KLHL1: variants seen among roughly 807,000 people sequenced by gnomAD.
The protein encoded by KLHL1 is kelch like family member 1.
In KLHL1, 47 loss-of-function variants were observed where a neutral mutation model predicts 77.7. The ratio of observed to expected loss-of-function variants is 0.60; its 90% confidence interval spans 0.48 to 0.77. KLHL1 has a LOEUF of 0.77. Among genes scored for constraint, KLHL1 ranks in the 30% least tolerant of loss-of-function variants. KLHL1 has a pLI of 0.00. For missense variants in KLHL1, 925 were observed against 910.8 expected (o/e 1.02, Z -0.20); for synonymous variants, 360 against 325.2 (o/e 1.11, Z -1.15).
At chr13:69,719,867 G>A (rs1388978540) in intron 8 of KLHL1, among the ~76,000 whole-genome samples, 1 of 151,246 alleles carries the variant, frequency 6.6e-6, no homozygotes, top group Non-Finnish European at 1.5e-5. Flanking sequence ...GCAAAAATAA[G>A]TAATATTAGT....
At chr13:69,954,549 T>C (rs1342128607) in intron 3 of KLHL1, among the ~76,000 whole-genome samples, 1 of 151,290 alleles carries the variant, frequency 6.6e-6, no homozygotes, top group Non-Finnish European at 1.5e-5. Context: ...AGATTTTTCT[T>C]ACTTCAAAAC....
chr13:69,734,230 G>A (rs1029137895), intron 8 of KLHL1, among the ~76,000 whole-genome samples: 7 of 152,038 alleles, frequency 4.6e-5, no homozygotes, highest in African/African-American at 9.7e-5. Context: ...CTTTTGCTCC[G>A]ACTTTCACCA....
intron 4 of KLHL1, among the ~76,000 whole-genome samples, chr13:69,915,173 T>A (rs1033725547): frequency 3.9e-5 from 6 of 152,168 alleles, no homozygotes; most frequent in Non-Finnish European, 8.8e-5. Flanking sequence ...CTGCCCAAAG[T>A]AATTTATAGA....
chr13:69,787,969 A>C (rs1166084815), intron 7 of KLHL1, among the ~76,000 whole-genome samples: 1 of 152,204 alleles, frequency 6.6e-6, no homozygotes, highest in Non-Finnish European at 1.5e-5. Flanking sequence ...ACCATCTCAC[A>C]CCAGTTAGTT....
intron 7 of KLHL1, among the ~76,000 whole-genome samples, chr13:69,746,567 T>C (rs1218758527): frequency 1.3e-5 from 2 of 152,080 alleles, no homozygotes; most frequent in Non-Finnish European, 2.9e-5. Context: ...TTTTATTTGA[T>C]ACAATTTTAA....
intron 1 of KLHL1, among the ~76,000 whole-genome samples, chr13:70,063,962 A>C (rs1886950433): frequency 6.6e-6 from 1 of 152,100 alleles, no homozygotes; most frequent in African/African-American, 2.4e-5. Context: ...TTCAAAATTA[A>C]CCAAAACATC....
intron 3 of KLHL1, among the ~76,000 whole-genome samples, chr13:69,942,327 T>G (rs1173562751): frequency 1.3e-5 from 2 of 152,004 alleles, no homozygotes; most frequent in African/African-American, 4.8e-5. Flanking sequence ...AATATAAGAC[T>G]TTAGGAAAAA....
intron 1 of KLHL1, among the ~76,000 whole-genome samples, chr13:70,059,577 T>C (rs917460349): frequency 6.6e-6 from 1 of 152,178 alleles, no homozygotes; most frequent in African/African-American, 2.4e-5. Flanking sequence ...AAGGAAACAA[T>C]CTACAAAATT....
chr13:69,983,915 G>GGCACAAAA (rs56881253), intron 1 of KLHL1, among the ~76,000 whole-genome samples: 1 of 151,782 alleles, frequency 6.6e-6, no homozygotes, highest in Non-Finnish European at 1.5e-5. Context: ...TTTTGACAAA[G>GGCACAAAA]ATCCCACAGT....
At chr13:69,974,507 T>C (rs1488460325) in intron 2 of KLHL1, among the ~76,000 whole-genome samples, 2 of 151,800 alleles carry the variant, frequency 1.3e-5, no homozygotes, top group South Asian at 2.1e-4. Context: ...ATGTTTCAAA[T>C]GAAAAAGAAA....
intron 7 of KLHL1, among the ~76,000 whole-genome samples, chr13:69,788,537 G>A (rs1181708160): frequency 6.6e-6 from 1 of 152,082 alleles, no homozygotes; most frequent in African/African-American, 2.4e-5. Flanking sequence ...GGGAGGGATA[G>A]CATTAGGAGA....
Position 69,837,628 on chromosome 13 carries a change from G to C in KLHL1, c.1414+1348C>G, listed in dbSNP as rs1170633520. On this transcript the variant is annotated intron_variant, in intron 6 of 10. Coordinates refer to ENST00000377844, the MANE Select transcript of KLHL1 (RefSeq NM_020866.3). ...CATCTCTCTCTCTATATATATGTGTGTGTATATATATATATGTGTATATAT... is the reference window on the plus strand; with the variant it reads ...CATCTCTCTCTCTATATATATGTGTCTGTATATATATATATGTGTATATAT... Among the ~76,000 whole-genome samples the C allele has an allele frequency of 2.4e-3, 317 of 131,274 alleles. 3 individuals carry two copies. The highest frequency in any genetic ancestry group is 7.6e-3 in the African/African-American group (223 of 29,366). The allele number at this position is 131,274 out of a possible 152,430, so 86.1% of individuals were successfully genotyped here.
At chr13:69,773,322 T>G (rs1875667199) in intron 7 of KLHL1, among the ~76,000 whole-genome samples, 1 of 152,026 alleles carries the variant, frequency 6.6e-6, no homozygotes, top group South Asian at 2.1e-4. Context: ...CATATGAAAA[T>G]TGATGAATAG....
chr13:69,927,912 G>C (rs955053743), intron 4 of KLHL1, among the ~76,000 whole-genome samples: 1 of 152,082 alleles, frequency 6.6e-6, no homozygotes, highest in Non-Finnish European at 1.5e-5. Flanking sequence ...AAAATATTAT[G>C]TTCACACAAT....
intron 5 of KLHL1, among the ~76,000 whole-genome samples, chr13:69,871,511 A>T (rs1288970451): frequency 6.6e-6 from 1 of 152,130 alleles, no homozygotes; most frequent in Non-Finnish European, 1.5e-5. Context: ...ACCAGGCTCA[A>T]ATTTTCCAAA....
intron 3 of KLHL1, among the ~76,000 whole-genome samples, chr13:69,951,362 A>T (rs1206325289): frequency 1.3e-5 from 2 of 151,492 alleles, no homozygotes; most frequent in Non-Finnish European, 3.0e-5. Flanking sequence ...GAAGGGAGAT[A>T]GAAAGTGGTA....
intron 4 of KLHL1, among the ~76,000 whole-genome samples, chr13:69,900,960 A>G (rs1355153759): frequency 3.3e-5 from 5 of 152,298 alleles, no homozygotes; most frequent in African/African-American, 1.2e-4. Context: ...ATATCCCAAA[A>G]AAACCTTGGT....
intron 1 of KLHL1, among the ~76,000 whole-genome samples, chr13:69,983,080 G>C (rs1218853220): frequency 6.6e-6 from 1 of 151,990 alleles, no homozygotes; most frequent in East Asian, 1.9e-4. Flanking sequence ...ATCTGAAAAA[G>C]AAATCAATAA....
chr13:69,839,445 A>T (rs945070153), intron 5 of KLHL1, among the ~76,000 whole-genome samples: 2 of 151,914 alleles, frequency 1.3e-5, no homozygotes, highest in African/African-American at 4.8e-5. Flanking sequence ...TTTTCTTTTT[A>T]TGAAAGCTGT....
Sources: allele counts gnomAD v4.1 joint callset (sites outside exome capture counted in the v4.1 genomes callset), GRCh38; gene constraint gnomAD v4.1.1; transcripts MANE v1.5; gene names NCBI Gene and HGNC (gene_info 2026-07-23, HGNC 2026-07-21).